The following DPEP1 variants were observed in gnomAD, a reference collection of about 807,000 sequenced individuals.
The protein encoded by DPEP1 is beta-lactamase.
DPEP1 carries 50 observed loss-of-function variants against 42.3 expected under a neutral mutation model. The ratio of observed to expected loss-of-function variants is 1.18; its 90% confidence interval spans 0.94 to 1.50. DPEP1 has a LOEUF of 1.50. Ranked by LOEUF, DPEP1 falls within the 40% of genes most tolerant of loss-of-function variation. DPEP1 has a pLI of 0.00. For synonymous variants in DPEP1, 297 were observed against 234.0 expected, an observed-to-expected ratio of 1.27 and a Z score of -2.46; for missense variants, 663 against 553.0, an observed-to-expected ratio of 1.20 and a Z score of -1.99.
At chr16:89,614,450 G>A (rs1181272717) in intron 1 of DPEP1, among the ~76,000 whole-genome samples, 3 of 152,180 alleles carry the variant, frequency 2.0e-5, no homozygotes, top group African/African-American at 7.2e-5. Context: ...AGCAGGGCCT[G>A]TTGTCCGGCC....
chr16:89,641,029 GGAGA>G (rs536042892), downstream of DPEP1, among the ~76,000 whole-genome samples: 7 of 151,976 alleles, frequency 4.6e-5, no homozygotes, highest in South Asian at 2.1e-4. Context: ...CAGCCGAGGC[GGAGA>G]GAGAGAGAGG....
At chr16:89,626,578 G>C (rs2059515590) in intron 1 of DPEP1, 1 of 152,100 alleles carries the variant, frequency 6.6e-6, no homozygotes. Flanking sequence ...TCGAACTCCG[G>C]ACCTCAGGTG....
At chr16:89,635,257 C>T (rs1415531418) in intron 2 of DPEP1, among the ~76,000 whole-genome samples, 1 of 151,216 alleles carries the variant, frequency 6.6e-6, no homozygotes, top group Non-Finnish European at 1.5e-5. Context: ...AGCTCCTACC[C>T]TCACCACCAC....
chr16:89,640,673 G>C (rs2059736700), downstream of DPEP1: 1 of 981,068 alleles, frequency 1.0e-6, no homozygotes, highest in Admixed American at 6.2e-5. Flanking sequence ...TTTCCGTCTG[G>C]GATTGGAGAC....
chr16:89,636,962 C>A (rs372466910), intron 6 of DPEP1, 27 bp downstream of exon 6: 9 of 1,609,520 alleles, frequency 5.6e-6, no homozygotes, highest in African/African-American at 4.0e-5. Flanking sequence ...CGGCCAGTCA[C>A]CCCCGAGGAG....
At chr16:89,615,578 C>G (rs762594525) in intron 1 of DPEP1, among the ~76,000 whole-genome samples, 1 of 152,218 alleles carries the variant, frequency 6.6e-6, no homozygotes, top group Admixed American at 6.5e-5. Context: ...CTCCGAGCAC[C>G]TGCTCAGCCT....
At chr16:89,625,344 A>G (rs2151484981) in intron 1 of DPEP1, among the ~76,000 whole-genome samples, 3 of 152,214 alleles carry the variant, frequency 2.0e-5, no homozygotes, top group Admixed American at 2.0e-4. Context: ...GGGGGGAGGT[A>G]CCAGGCTCGT....
At position 89,630,194 on chromosome 16, in the gene DPEP1, C is replaced by T. The variant is rs2059566093; in HGVS notation, c.-106-111C>T. Reference sequence around the variant, plus strand: ...ATTGAGTGTCCGGCCTTCCATCCTACCCACCCTGGTGGGGAATGTGCTGGT... The same window carrying T: ...ATTGAGTGTCCGGCCTTCCATCCTATCCACCCTGGTGGGGAATGTGCTGGT... On this transcript the variant is annotated intron_variant, in intron 1 of 10. Coordinates refer to ENST00000690203, the MANE Select transcript of DPEP1 (RefSeq NM_001389466.1). 3 of 413,810 alleles carry T rather than the reference C, an allele frequency of 7.2e-6. No individual in the cohort carries two copies. The South Asian group carries it at 9.1e-5, about 13-fold the overall frequency. 25.6% of individuals were successfully genotyped at this position (413,810 alleles called of 1,614,324 possible).
At chr16:89,621,396 G>A (rs1011688324) in intron 1 of DPEP1, among the ~76,000 whole-genome samples, 1 of 152,088 alleles carries the variant, frequency 6.6e-6, no homozygotes, top group Admixed American at 6.5e-5. Flanking sequence ...GTGGGGTGCC[G>A]GCCTTACGGC....
rs1292434693 is a variant in DPEP1, at chr16:89,636,563, TGGCCAGCCTGATCGGCGTGGAGGGC to T, written c.407_431del (p.Ser136ThrfsTer21). The T allele has an allele frequency of 3.5e-5, 56 of 1,612,374 alleles. No homozygotes were observed. Among genetic ancestry groups the T allele is most frequent in the Non-Finnish European group, 4.5e-5 (53 of 1,179,926 alleles). On this transcript the variant is annotated frameshift_variant, in exon 5 of 11. Transcript: ENST00000690203. LOFTEE classifies it high-confidence loss of function. ...CGGCAGGCCTTCCGGGAAGGGAAGGTGGCCAGCCTGATCGGCGTGGAGGGCGGCCACTCCATTGACAGCAGTTTGG... is the reference window on the plus strand; with the variant it reads ...CGGCAGGCCTTCCGGGAAGGGAAGGTGGCCACTCCATTGACAGCAGTTTGG...
chr16:89,629,542 CCTG>C (rs1378671947), intron 1 of DPEP1, among the ~76,000 whole-genome samples: 1 of 151,218 alleles, frequency 6.6e-6, no homozygotes, highest in Non-Finnish European at 1.5e-5. Flanking sequence ...AGTTTTCCCT[CCTG>C]CTCCTCCCAG....
At position 89,636,404 on chromosome 16, in the gene DPEP1, C is replaced by A. The variant is rs2059679743; in HGVS notation, c.370+8C>A. 1 of 1,609,580 alleles carries A rather than the reference C, an allele frequency of 6.2e-7. No homozygotes were observed. Among genetic ancestry groups the A allele is most frequent in the Middle Eastern group, 1.7e-4 (1 of 6,046 alleles). ...ATGTCACCAGCAGTGCAGGTGGGGT[C>A]CTGACCTGGGTCCTCCAGGTCCTGC... On this transcript the variant is annotated splice_region_variant and intron_variant, in intron 4 of 10. Coordinates refer to ENST00000690203, the MANE Select transcript of DPEP1 (RefSeq NM_001389466.1).
rs1377311812 is a variant in DPEP1 at position 89,630,502 on chromosome 16, CTG to C, written c.94_95del (p.Val32HisfsTer2). ...GCAGAGAGGATCATGAGGGACTCCC[CTG>C]TCATTGATGGGTGAGTGCTCACCTG... On this transcript the variant is annotated frameshift_variant, in exon 2 of 11. Transcript: ENST00000690203. LOFTEE classifies it high-confidence loss of function. 6.3e-7 allele frequency: 1 copy of C among 1,585,302 alleles called. No individual in the cohort carries two copies. The highest frequency in any genetic ancestry group is 8.6e-7 in the Non-Finnish European group (1 of 1,165,510).
At chr16:89,627,883 C>CTCGTGA (rs2059536730) in intron 1 of DPEP1, among the ~76,000 whole-genome samples, 1 of 151,742 alleles carries the variant, frequency 6.6e-6, no homozygotes, top group African/African-American at 2.4e-5. Context: ...TGGTCTCAAA[C>CTCGTGA]TCCTAACCTC....
At chr16:89,639,657 C>T (rs2059729781), downstream of DPEP1, among the ~76,000 whole-genome samples, 1 of 151,608 alleles carries the variant, frequency 6.6e-6, no homozygotes, top group African/African-American at 2.4e-5. Flanking sequence ...GCTAAGGGCC[C>T]AGGAACCTGC....
chr16:89,638,462 C>T (rs1479032557), downstream of DPEP1: 2 of 1,304,746 alleles, frequency 1.5e-6, no homozygotes, highest in African/African-American at 3.0e-5. Flanking sequence ...CGGCATCCGG[C>T]TCAGGAGGTG....
intron 2 of DPEP1, among the ~76,000 whole-genome samples, chr16:89,634,360 T>C (rs946548964): frequency 6.6e-6 from 1 of 152,100 alleles, no homozygotes; most frequent in African/African-American, 2.4e-5. Flanking sequence ...GTGCTGGGAT[T>C]ACAGGCATGA....
chr16:89,632,727 C>G (rs1039106112), intron 2 of DPEP1, among the ~76,000 whole-genome samples: 1 of 152,174 alleles, frequency 6.6e-6, no homozygotes, highest in South Asian at 2.1e-4. Context: ...ACTGAGAAAC[C>G]AGAGGCCCCA....
intron 2 of DPEP1, among the ~76,000 whole-genome samples, chr16:89,631,701 C>T (rs533836511): frequency 2.6e-5 from 4 of 152,162 alleles, no homozygotes; most frequent in African/African-American, 9.6e-5. Context: ...ACTAAAAATA[C>T]AAAAAATTAG....
Sources: allele counts gnomAD v4.1 joint callset (sites outside exome capture counted in the v4.1 genomes callset), GRCh38; gene constraint gnomAD v4.1.1; transcripts MANE v1.5; gene names NCBI Gene and HGNC (gene_info 2026-07-23, HGNC 2026-07-21).